Variants in RORA observed in about 807,000 individuals in gnomAD.
RORA encodes the protein RAR related orphan receptor A.
RORA carries 7 observed loss-of-function variants against 69.5 expected under a neutral mutation model. The observed-to-expected ratio is 0.10, with a 90% CI of 0.06 to 0.19. The LOEUF is 0.19. Ranked by LOEUF, RORA falls within the 10% of genes least tolerant of loss-of-function variation. The probability of loss-of-function intolerance (pLI) is 1.00; values close to 1 mark genes in which losing one functional copy is unlikely to be tolerated. For missense variants in RORA, 457 were observed against 663.0 expected (o/e 0.69, Z 3.41); for synonymous variants, 261 against 240.8 (o/e 1.08, Z -0.78).
chr15:61,063,052 C>G (rs931466776), intron 1 of RORA, among the ~76,000 whole-genome samples: 4 of 152,202 alleles, frequency 2.6e-5, no homozygotes, highest in African/African-American at 9.7e-5. Flanking sequence ...ACAGACCCGG[C>G]GTATTCACCA....
chr15:60,629,578 A>G (rs939752905), intron 2 of RORA, among the ~76,000 whole-genome samples: 3 of 152,188 alleles, frequency 2.0e-5, no homozygotes, highest in Admixed American at 6.5e-5. Context: ...TGACAAGAAG[A>G]TATGTGAGGA....
chr15:60,776,171 C>G (rs2072164213), intron 1 of RORA, among the ~76,000 whole-genome samples: 1 of 152,146 alleles, frequency 6.6e-6, no homozygotes, highest in Non-Finnish European at 1.5e-5. Context: ...GAGATGAAGG[C>G]ACTCATGACC....
At chr15:60,854,245 C>T (rs1209709152) in intron 1 of RORA, among the ~76,000 whole-genome samples, 5 of 151,686 alleles carry the variant, frequency 3.3e-5, no homozygotes, top group African/African-American at 7.3e-5. Flanking sequence ...CTGGCGACAG[C>T]GAGACTCCAT....
At chr15:60,753,424 C>T (rs2071755218) in intron 1 of RORA, among the ~76,000 whole-genome samples, 2 of 152,222 alleles carry the variant, frequency 1.3e-5, no homozygotes, top group African/African-American at 4.8e-5. Flanking sequence ...TGGACGTGGT[C>T]AGCCCTAGGA....
At chr15:60,543,784 T>C (rs968977359) in intron 2 of RORA, among the ~76,000 whole-genome samples, 1 of 152,192 alleles carries the variant, frequency 6.6e-6, no homozygotes, top group Non-Finnish European at 1.5e-5. Context: ...ATGATAGTAT[T>C]TGGCAGGGGC....
intron 2 of RORA, among the ~76,000 whole-genome samples, chr15:60,659,384 G>T (rs1456636398): frequency 6.6e-6 from 1 of 152,144 alleles, no homozygotes; most frequent in East Asian, 1.9e-4. Context: ...AACATGGGAG[G>T]TGAAGTTAAC....
chr15:60,778,206 T>C (rs1595707939), intron 1 of RORA, among the ~76,000 whole-genome samples: 1 of 131,908 alleles, frequency 7.6e-6, no homozygotes, highest in Middle Eastern at 3.7e-3. Flanking sequence ...ACTGAACAGC[T>C]GGGCTCAGGT....
At chr15:61,187,853 C>T (rs2079759533) in intron 1 of RORA, among the ~76,000 whole-genome samples, 1 of 152,062 alleles carries the variant, frequency 6.6e-6, no homozygotes, top group Admixed American at 6.6e-5. Context: ...ACAGAACTGC[C>T]CAGTGCCTCA....
chr15:61,012,807 A>G (rs1895130213), intron 1 of RORA, among the ~76,000 whole-genome samples: 1 of 151,904 alleles, frequency 6.6e-6, no homozygotes, highest in Non-Finnish European at 1.5e-5. Flanking sequence ...ACACCACCAC[A>G]CCTGTCTAAT....
intron 1 of RORA, among the ~76,000 whole-genome samples, chr15:60,777,331 G>GA (rs1483686907): frequency 6.6e-6 from 1 of 152,190 alleles, no homozygotes; most frequent in Non-Finnish European, 1.5e-5. Flanking sequence ...TGGTATCATG[G>GA]AAAATTGATA....
intron 1 of RORA, among the ~76,000 whole-genome samples, chr15:61,111,781 T>C (rs2079008380): frequency 6.6e-6 from 1 of 152,242 alleles, no homozygotes; most frequent in South Asian, 2.1e-4. Context: ...GTGAATTTTA[T>C]AAAAGGCAAA....
At chr15:60,724,347 T>C (rs910528131) in intron 1 of RORA, among the ~76,000 whole-genome samples, 1 of 152,198 alleles carries the variant, frequency 6.6e-6, no homozygotes, top group Non-Finnish European at 1.5e-5. Context: ...AATAATCTTT[T>C]GAGATTGTTA....
chr15:60,752,572 G>C (rs770691031), intron 1 of RORA, among the ~76,000 whole-genome samples: 1 of 151,982 alleles, frequency 6.6e-6, no homozygotes, highest in Non-Finnish European at 1.5e-5. Flanking sequence ...ATTTGCCGCC[G>C]AGAACAACAG....
intron 7 of RORA, among the ~76,000 whole-genome samples, 171 bp downstream of exon 7, chr15:60,503,364 C>A (rs2141275430): frequency 6.6e-6 from 1 of 152,180 alleles, no homozygotes; most frequent in South Asian, 2.1e-4. Context: ...GGAATGTTTC[C>A]TGAATATATC....
intron 1 of RORA, among the ~76,000 whole-genome samples, chr15:60,963,949 T>C (rs886633578): frequency 6.6e-6 from 1 of 152,238 alleles, no homozygotes; most frequent in African/African-American, 2.4e-5. Context: ...CTTAAGGGAA[T>C]GGAGAGACAT....
intron 9 of RORA, 21 bp downstream of exon 9, chr15:60,500,938 A>G (rs748859792): frequency 3.7e-6 from 5 of 1,365,562 alleles, no homozygotes; most frequent in Admixed American, 1.9e-5. Flanking sequence ...AACCATTTTT[A>G]TTTTTATTTG....
intron 8 of RORA, among the ~76,000 whole-genome samples, chr15:60,501,460 A>T (rs1876244785): frequency 6.6e-6 from 1 of 152,154 alleles, no homozygotes; most frequent in Admixed American, 6.5e-5. Context: ...TTATTATCCC[A>T]ATTTTAGAGG....
intron 1 of RORA, among the ~76,000 whole-genome samples, chr15:60,840,645 C>T (rs1429069140): frequency 1.3e-5 from 2 of 152,178 alleles, no homozygotes; most frequent in South Asian, 2.1e-4. Context: ...GCATGTGTCC[C>T]GCCACTGCTA....
chr15:60,635,500 T>C (rs2069818753), intron 2 of RORA, among the ~76,000 whole-genome samples: 1 of 152,238 alleles, frequency 6.6e-6, no homozygotes, highest in African/African-American at 2.4e-5. Context: ...AGTTGTCATC[T>C]TTATTAAGGT....
Sources: allele counts gnomAD v4.1 joint callset (sites outside exome capture counted in the v4.1 genomes callset), GRCh38; gene constraint gnomAD v4.1.1; transcripts MANE v1.5; gene names NCBI Gene and HGNC (gene_info 2026-07-23, HGNC 2026-07-21).